The following HACD2 variants were observed in gnomAD, a reference collection of about 807,000 sequenced individuals.
The protein encoded by HACD2 is 3-hydroxyacyl-CoA dehydratase 2, also known as very-long-chain (3R)-3-hydroxyacyl-CoA dehydratase 2.
Under a neutral mutation model 31.0 loss-of-function variants are expected in HACD2, and 15 were observed. The ratio of observed to expected loss-of-function variants is 0.48; its 90% CI spans 0.32 to 0.75. The LOEUF is 0.75. Among genes scored for constraint, HACD2 ranks in the 30% least tolerant of loss-of-function variants. The pLI, the probability that HACD2 is intolerant of heterozygous loss-of-function variation, is 0.03. For synonymous variants in HACD2, 115 were observed against 122.2 expected, an observed-to-expected ratio of 0.94 and a Z score of 0.39; for missense variants, 283 against 313.0, an observed-to-expected ratio of 0.90 and a Z score of 0.72.
intron 4 of HACD2, among the ~76,000 whole-genome samples, chr3:123,526,923 C>T (rs1006421772): frequency 6.6e-6 from 1 of 152,182 alleles, no homozygotes; most frequent in Admixed American, 6.5e-5. Flanking sequence ...CAGATGTGCT[C>T]ATAGCTGAGG....
At chr3:123,567,470 T>C (rs1360919586) in intron 3 of HACD2, among the ~76,000 whole-genome samples, 1 of 152,180 alleles carries the variant, frequency 6.6e-6, no homozygotes, top group Non-Finnish European at 1.5e-5. Context: ...GCCACATTTT[T>C]ACAAAAATGC....
intron 4 of HACD2, among the ~76,000 whole-genome samples, chr3:123,505,478 A>C (rs1217151635): frequency 6.6e-6 from 1 of 152,264 alleles, no homozygotes; most frequent in Non-Finnish European, 1.5e-5. Flanking sequence ...AAATTTAATA[A>C]GTCTAAATGT....
At chr3:123,554,488 G>A (rs1253310150) in intron 3 of HACD2, among the ~76,000 whole-genome samples, 4 of 151,720 alleles carry the variant, frequency 2.6e-5, no homozygotes, top group African/African-American at 9.7e-5. Flanking sequence ...CTCCAGCCTG[G>A]GCAACACAGT....
At chr3:123,551,597 C>G (rs1294274618) in intron 3 of HACD2, among the ~76,000 whole-genome samples, 9 of 151,244 alleles carry the variant, frequency 6.0e-5, no homozygotes, top group African/African-American at 2.2e-4. Context: ...GCACTCCAGC[C>G]TGGTGACAGA....
At chr3:123,565,617 T>C (rs940273173) in intron 3 of HACD2, among the ~76,000 whole-genome samples, 3 of 152,188 alleles carry the variant, frequency 2.0e-5, no homozygotes, top group Admixed American at 6.5e-5. Flanking sequence ...ACCCAATTTA[T>C]GGTATTTTGT....
intron 3 of HACD2, among the ~76,000 whole-genome samples, chr3:123,530,099 T>G (rs1480032546): frequency 3.3e-5 from 5 of 152,118 alleles, no homozygotes; most frequent in Non-Finnish European, 7.4e-5. Flanking sequence ...TAAGTTTCAT[T>G]TTGCTGGGAG....
chr3:123,509,001 T>A (rs1471788560), intron 4 of HACD2, among the ~76,000 whole-genome samples: 1 of 152,112 alleles, frequency 6.6e-6, no homozygotes, highest in African/African-American at 2.4e-5. Context: ...TCATCTAAAC[T>A]TATTTCCCAA....
In HACD2 at chr3:123,575,506, C is replaced by G. The variant is rs75765696; in HGVS notation, c.273+6706G>C. On this transcript the variant is annotated intron_variant, in intron 2 of 6. Transcript: ENST00000383657. ...GCTACTGTTTTGGACAGCGTTCCAA[C>G]GTTATCACTGCAGAAAGTCCTATTG... 8.7e-3 allele frequency among the ~76,000 whole-genome samples: 1,320 copies of G among 152,276 alleles called. 18 individuals are homozygous for G. The highest frequency in any genetic ancestry group is 0.03 in the African/African-American group (1,236 of 41,560).
intron 3 of HACD2, among the ~76,000 whole-genome samples, chr3:123,551,118 T>A (rs556279876): frequency 6.6e-6 from 1 of 152,160 alleles, no homozygotes; most frequent in Admixed American, 6.5e-5. Context: ...TTGTTTATCA[T>A]GGAAAAGGGT....
intron 2 of HACD2, among the ~76,000 whole-genome samples, chr3:123,580,595 GC>G (rs2056955042): frequency 6.6e-6 from 1 of 152,014 alleles, no homozygotes; most frequent in African/African-American, 2.4e-5. Context: ...ACCAGCCTGG[GC>G]AACACAGGGA....
intron 6 of HACD2, among the ~76,000 whole-genome samples, chr3:123,498,794 G>C (rs2055867787): frequency 6.6e-6 from 1 of 152,190 alleles, no homozygotes; most frequent in Admixed American, 6.5e-5. Context: ...AAGATGAAAA[G>C]CTCACAGGAG....
chr3:123,564,242 T>C (rs2056768033), intron 3 of HACD2, among the ~76,000 whole-genome samples: 1 of 152,172 alleles, frequency 6.6e-6, no homozygotes. Context: ...TGGACAGGGC[T>C]GGAGTCTGGG....
At chr3:123,550,282 A>G (rs1365188032) in intron 3 of HACD2, among the ~76,000 whole-genome samples, 1 of 152,218 alleles carries the variant, frequency 6.6e-6, no homozygotes, top group East Asian at 1.9e-4. Flanking sequence ...CAGGATCAAG[A>G]TTGGTATCTG....
At chr3:123,550,515 G>T (rs990876538) in intron 3 of HACD2, among the ~76,000 whole-genome samples, 2 of 152,194 alleles carry the variant, frequency 1.3e-5, no homozygotes, top group Admixed American at 1.3e-4. Context: ...AAGTGGCAGA[G>T]AAATGATGTT....
intron 3 of HACD2, among the ~76,000 whole-genome samples, chr3:123,529,923 A>T (rs2056335097): frequency 6.6e-6 from 1 of 152,168 alleles, no homozygotes; most frequent in East Asian, 1.9e-4. Context: ...TTAAAAAAAA[A>T]AATATATTGA....
chr3:123,530,407 A>AGT (rs1559913085), intron 3 of HACD2, among the ~76,000 whole-genome samples: 18 of 145,308 alleles, frequency 1.2e-4, no homozygotes, highest in African/African-American at 4.6e-4. Context: ...TGTGCCAGGT[A>AGT]ATTTTTTTTT....
intron 3 of HACD2, among the ~76,000 whole-genome samples, chr3:123,561,959 C>T (rs529908876): frequency 2.0e-5 from 3 of 152,068 alleles, no homozygotes; most frequent in South Asian, 2.1e-4. Context: ...CTACAGGCGC[C>T]TGCCACCATG....
chr3:123,497,627 A>G (rs2055850129), intron 6 of HACD2, among the ~76,000 whole-genome samples: 3 of 152,136 alleles, frequency 2.0e-5, no homozygotes, highest in Admixed American at 2.0e-4. Flanking sequence ...CACCATAACC[A>G]ATTTTCACCA....
chr3:123,510,493 C>T (rs1488893184), intron 4 of HACD2, among the ~76,000 whole-genome samples: 1 of 152,202 alleles, frequency 6.6e-6, no homozygotes, highest in African/African-American at 2.4e-5. Flanking sequence ...CATGATCTGC[C>T]CGCCTTGGCC....
Sources: gnomAD v4.1 joint callset for allele counts (sites outside exome capture counted in the v4.1 genomes callset) on GRCh38, gnomAD v4.1.1 for gene constraint, MANE v1.5 for transcripts, NCBI Gene and HGNC (gene_info 2026-07-23, HGNC 2026-07-21) for gene names.